Variants in RNF216 observed in about 807,000 individuals in gnomAD.
The protein encoded by RNF216 is ring finger protein 216.
Under a neutral mutation model 110.8 loss-of-function variants are expected in RNF216, and 72 were observed. The ratio of observed to expected loss-of-function variants is 0.65; its 90% CI spans 0.54 to 0.79. RNF216 has a LOEUF of 0.79. Among genes scored for constraint, RNF216 ranks in the 30% least tolerant of loss-of-function variants. The pLI is 0.00. For synonymous variants in RNF216, 495 were observed against 407.5 expected (o/e 1.21, Z -2.59); for missense variants, 1,342 against 1,141.2 (o/e 1.18, Z -2.54).
At chr7:5,711,934 G>C (rs1792725304) in intron 12 of RNF216, 95 bp from the exon 13 acceptor site, 1 of 1,060,782 alleles carries the variant, frequency 9.4e-7, no homozygotes, top group Non-Finnish European at 1.4e-6. Context: ...ATGGAGTTTT[G>C]AGCTGGACAT....
intron 13 of RNF216, among the ~76,000 whole-genome samples, chr7:5,705,019 T>A (rs2128623689): frequency 6.6e-6 from 1 of 152,296 alleles, no homozygotes; most frequent in Admixed American, 6.5e-5. Context: ...AAAACATACT[T>A]TAAACTTAGC....
At position 5,621,172 on chromosome 7, in the gene RNF216, T is replaced by C. The variant is rs113115920; in HGVS notation, c.*1688A>G. On this transcript the variant is annotated 3_prime_UTR_variant, in exon 17 of 17. Transcript: ENST00000389902. ...AAGGCAGAAAGAATGGGTATCTTAGTTTTTTTTTTTTTTTTTTTAAAGATA... is the reference window on the plus strand; with the variant it reads ...AAGGCAGAAAGAATGGGTATCTTAGCTTTTTTTTTTTTTTTTTTAAAGATA... 2 of 78,328 alleles carry C rather than the reference T, an allele frequency of 2.6e-5. No homozygotes were observed. Among genetic ancestry groups the C allele is most frequent in the Non-Finnish European group, 4.6e-5 (2 of 43,800 alleles). 4.9% of individuals were successfully genotyped at this position (78,328 alleles called of 1,614,324 possible).
intron 14 of RNF216, among the ~76,000 whole-genome samples, chr7:5,647,245 T>A (rs1468571323): frequency 6.6e-6 from 1 of 152,088 alleles, no homozygotes; most frequent in African/African-American, 2.4e-5. Context: ...CCCTTGAGTG[T>A]ATTTTTTGAG....
chr7:5,754,037 GAAGA>G lies in RNF216; in HGVS notation c.68-1062_68-1059del, dbSNP rs1243148160. ...CATTAAGTGACCTAAAAGAAGAGAA[GAAGA>G]AAGAAACGAAATGACGCACCTCATC... On this transcript the variant is annotated intron_variant, in intron 2 of 16. Coordinates refer to ENST00000389902, the MANE Select transcript of RNF216 (RefSeq NM_207111.4). 4.0e-5 allele frequency among the ~76,000 whole-genome samples: 6 copies of G among 151,566 alleles called. 1 individual carries two copies. The highest frequency in any genetic ancestry group is 7.3e-5 in the African/African-American group (3 of 41,308).
chr7:5,754,546 C>G (rs1247184008), intron 2 of RNF216, among the ~76,000 whole-genome samples: 1 of 152,024 alleles, frequency 6.6e-6, no homozygotes, highest in African/African-American at 2.4e-5. Context: ...GGGGATCATT[C>G]TGAAGAGATA....
chr7:5,665,640 T>C (rs74433509), intron 13 of RNF216, among the ~76,000 whole-genome samples: 1,529 of 152,020 alleles, frequency 0.01, 17 homozygotes, highest in South Asian at 0.019. Context: ...TGCCGGCTTT[T>C]TACTATACTA....
At chr7:5,664,476 C>T (rs932485702) in intron 13 of RNF216, among the ~76,000 whole-genome samples, 1 of 152,168 alleles carries the variant, frequency 6.6e-6, no homozygotes, top group Non-Finnish European at 1.5e-5. Flanking sequence ...TTAGGATGTT[C>T]TTTGTTGATT....
chr7:5,643,510 G>A (rs920838978), intron 14 of RNF216, among the ~76,000 whole-genome samples: 1 of 151,978 alleles, frequency 6.6e-6, no homozygotes, highest in African/African-American at 2.4e-5. Context: ...TGCAGCCAGC[G>A]ACAGCCCAGA....
At chr7:5,715,254 C>T in intron 10 of RNF216, 64 bp from the exon 11 acceptor site, 1 of 1,530,148 alleles carries the variant, frequency 6.5e-7, no homozygotes, top group Non-Finnish European at 8.9e-7. Context: ...AGCCTTGTCT[C>T]CCATCCTCAT....
chr7:5,660,266 T>C (rs1337333709), intron 13 of RNF216, among the ~76,000 whole-genome samples: 2 of 6,700 alleles, frequency 3.0e-4, no homozygotes, highest in African/African-American at 1.3e-3. Context: ...TTTTAAATTC[T>C]TTTTTTTTTT....
At chr7:5,649,796 C>A (rs1415842152) in intron 14 of RNF216, 2 of 152,208 alleles carry the variant, frequency 1.3e-5, no homozygotes, top group African/African-American at 4.8e-5. Context: ...TCAACAGATG[C>A]TGACTAAATG....
rs572243791 is a variant in RNF216, at chr7:5,631,878, C to T, written c.2383-7753G>A. Among the ~76,000 whole-genome samples the T allele has an allele frequency of 4.6e-5, 7 of 152,354 alleles. No individual in the cohort carries two copies. In the East Asian group the frequency reaches 1.2e-3, roughly 25 times the overall value. Reference sequence around the variant, plus strand: ...AGATTCCATTGTAGAAGGTCACGCTCTGCCCCCACGAGGTCCTGCTGCCTT... The same window carrying T: ...AGATTCCATTGTAGAAGGTCACGCTTTGCCCCCACGAGGTCCTGCTGCCTT... On this transcript the variant is annotated intron_variant, in intron 15 of 16. Coordinates refer to ENST00000389902, the MANE Select transcript of RNF216 (RefSeq NM_207111.4).
intron 8 of RNF216, among the ~76,000 whole-genome samples, chr7:5,723,926 C>G (rs369184855): frequency 6.6e-4 from 100 of 152,286 alleles, no homozygotes; most frequent in African/African-American, 2.1e-3. Flanking sequence ...TAATGTAAAT[C>G]AAGTGTAATT....
At chr7:5,658,487 T>A (rs1333895012) in intron 13 of RNF216, among the ~76,000 whole-genome samples, 1 of 151,856 alleles carries the variant, frequency 6.6e-6, no homozygotes, top group Admixed American at 6.6e-5. Flanking sequence ...TGAGACCCCA[T>A]CTCTACAAAA....
chr7:5,680,280 T>G lies in RNF216; in HGVS notation c.2062-27770A>C, dbSNP rs1357986085. On this transcript the variant is annotated intron_variant, in intron 13 of 16. Transcript: ENST00000389902. This position sits in a 1 kb window ranked among gnomAD's most constrained non-coding sequence, Gnocchi z 4.3. ...AGGTCCAACAGGGAAGTGGTTCCTT[T>G]GTCCCCCGCCCTGCCCCCAGCTAGC... The G allele has an allele frequency of 6.6e-6, 1 of 152,376 alleles. No homozygotes were observed. Among genetic ancestry groups the G allele is most frequent in the South Asian group, 2.1e-4 (1 of 4,838 alleles). 9.4% of individuals were successfully genotyped at this position (152,376 alleles called of 1,614,324 possible). A position where few individuals can be genotyped will look rare whatever the true frequency, so the allele number is the denominator to read the frequency against.
At chr7:5,623,225 T>G in intron 16 of RNF216, 46 bp from the exon 17 acceptor site, 1 of 1,503,416 alleles carries the variant, frequency 6.7e-7, no homozygotes, top group Non-Finnish European at 9.0e-7. Context: ...TAAACCAACC[T>G]CAATGGAATC....
chr7:5,763,112 G>A (rs548706551), intron 1 of RNF216, among the ~76,000 whole-genome samples: 21 of 151,854 alleles, frequency 1.4e-4, no homozygotes, highest in African/African-American at 4.8e-4. Context: ...AGAGTAATGG[G>A]GACAAAAAAA....
At position 5,633,574 on chromosome 7, in the gene RNF216, C is replaced by CAAACA. The variant is rs575093784; in HGVS notation, c.2382+7575_2382+7579dup. ...TGGGCGACAGAGGGAGACTCCCTCT[C>CAAACA]AAACAAAACAAAACAAAACAAAACA... On this transcript the variant is annotated intron_variant, in intron 15 of 16. Coordinates refer to ENST00000389902, the MANE Select transcript of RNF216 (RefSeq NM_207111.4). Among the ~76,000 whole-genome samples the CAAACA allele has an allele frequency of 2.5e-3, 380 of 152,098 alleles. 3 individuals carry two copies. The highest frequency in any genetic ancestry group is 8.2e-3 in the Admixed American group (125 of 15,268).
chr7:5,677,806 T>C (rs1051827764), intron 13 of RNF216, among the ~76,000 whole-genome samples: 46 of 152,250 alleles, frequency 3.0e-4, no homozygotes, highest in Middle Eastern at 6.8e-3. Context: ...CAGAGACCAT[T>C]AGAGTAACTA....
Sources: allele counts gnomAD v4.1 joint callset (sites outside exome capture counted in the v4.1 genomes callset), GRCh38; gene constraint gnomAD v4.1.1; non-coding constraint Gnocchi (gnomAD v3.1); transcripts MANE v1.5; gene names NCBI Gene and HGNC (gene_info 2026-07-23, HGNC 2026-07-21).